Variants in KIF20B observed in about 807,000 individuals in gnomAD.
KIF20B encodes kinesin-like protein KIF20B.
Under a neutral mutation model 232.5 loss-of-function variants are expected in KIF20B, and 188 were observed. The observed-to-expected ratio is 0.81, with a 90% CI of 0.72 to 0.91. The LOEUF (loss-of-function observed/expected upper bound fraction) is 0.91. Among genes scored for constraint, KIF20B ranks in the 40% least tolerant of loss-of-function variants. The pLI is 0.00. For synonymous variants in KIF20B, 712 were observed against 683.0 expected (o/e 1.04, Z -0.66); for missense variants, 2,154 against 2,055.9 (o/e 1.05, Z -0.92).
intron 21 of KIF20B, among the ~76,000 whole-genome samples, chr10:89,740,494 C>A (rs183944773): frequency 1.3e-5 from 2 of 152,134 alleles, no homozygotes; most frequent in Admixed American, 1.3e-4. Context: ...CTCCAACCCT[C>A]CTCTCTTCCA....
At chr10:89,736,983 CTG>C (rs1841666846) in intron 19 of KIF20B, among the ~76,000 whole-genome samples, 1 of 152,066 alleles carries the variant, frequency 6.6e-6, no homozygotes, top group African/African-American at 2.4e-5. Flanking sequence ...TAGCTTAAAA[CTG>C]TTCGTTAGGA....
chr10:89,768,403 A>C lies in KIF20B; in HGVS notation c.5091+12A>C. The C allele has an allele frequency of 7.0e-7, 1 of 1,435,442 alleles. No homozygotes were observed. Among genetic ancestry groups the C allele is most frequent in the Non-Finnish European group, 9.6e-7 (1 of 1,038,560 alleles). The allele number at this position is 1,435,442 out of a possible 1,614,324, so 88.9% of individuals were successfully genotyped here. On this transcript the variant is annotated intron_variant, in intron 30 of 32. Coordinates refer to ENST00000371728, the MANE Select transcript of KIF20B (RefSeq NM_001284259.2). ...AAAAGGAACAAAAGGTGTGTCTTTTAATTTGTCCAAAATTGTAGCAATTAT... is the reference window on the plus strand; with the variant it reads ...AAAAGGAACAAAAGGTGTGTCTTTTCATTTGTCCAAAATTGTAGCAATTAT...
rs1283981491 is a variant in KIF20B at position 89,757,061 on chromosome 10, TATATATATAC to T, written c.4504-1643_4504-1634del. Among the ~76,000 whole-genome samples, 72 of 137,016 alleles carry T rather than the reference TATATATATAC, an allele frequency of 5.3e-4. 1 individual carries two copies. The highest frequency in any genetic ancestry group is 1.8e-3 in the African/African-American group (68 of 38,410). 89.9% of individuals were successfully genotyped at this position (137,016 alleles called of 152,430 possible). On this transcript the variant is annotated intron_variant, in intron 26 of 32. Coordinates refer to ENST00000371728, the MANE Select transcript of KIF20B (RefSeq NM_001284259.2). ...GTGTGTATATATATATATATATATA[TATATATATAC>T]ACACATGACAATTGCTAGATGATAG...
At position 89,737,402 on chromosome 10, in the gene KIF20B, GTTCAGCT is replaced by G. The variant is rs778921167; in HGVS notation, c.2562_2568del (p.Ser854ArgfsTer32). The G allele has an allele frequency of 6.3e-7, 1 of 1,576,168 alleles. No homozygotes were observed. The highest frequency in any genetic ancestry group is 8.6e-7 in the Non-Finnish European group (1 of 1,167,270). On this transcript the variant is annotated frameshift_variant, in exon 20 of 33. Coordinates refer to ENST00000371728, the MANE Select transcript of KIF20B (RefSeq NM_001284259.2). LOFTEE classifies it high-confidence loss of function. ...ATTTTTAAAGGGTCTATCCATGTTA[GTTCAGCT>G]ATCACTGAAGACCAAAAGAAAAGTG...
chr10:89,752,805 A>C, intron 25 of KIF20B, 114 bp downstream of exon 25: 1 of 667,838 alleles, frequency 1.5e-6, no homozygotes, highest in Non-Finnish European at 2.2e-6. Context: ...GGGTGAAATA[A>C]TACCTGGCAA....
At chr10:89,738,794 G>C (rs1841728747) in intron 20 of KIF20B, among the ~76,000 whole-genome samples, 164 bp from the exon 21 acceptor site, 1 of 152,128 alleles carries the variant, frequency 6.6e-6, no homozygotes, top group Non-Finnish European at 1.5e-5. Flanking sequence ...GAAAAGATCA[G>C]CTTATAAAAA....
intron 7 of KIF20B, among the ~76,000 whole-genome samples, chr10:89,714,472 C>G (rs1230844827): frequency 6.6e-6 from 1 of 151,236 alleles, no homozygotes. Flanking sequence ...GTGAAACTGT[C>G]TCAAAAAAAA....
chr10:89,737,485 G>A lies in KIF20B; in HGVS notation c.2644G>A (p.Glu882Lys). 1 of 1,609,126 alleles carries A rather than the reference G, an allele frequency of 6.2e-7. No individual in the cohort carries two copies. Among genetic ancestry groups the A allele is most frequent in the Non-Finnish European group, 8.5e-7 (1 of 1,178,528 alleles). The change falls in exon 20 of 33, where the codon GAA (glutamate) becomes AAA (lysine). Residue 882 changes from glutamate to lysine, a missense_variant. Transcript: ENST00000371728. ...AATTGAAGACATCAGAGTTTTACAA[G>A]AAAATAATGAAGGACTGAGAGCATT... is the stretch of plus-strand genomic sequence containing the variant. ...AEIEDIRVLQ[E>K]NNEGLRAFLL... is the part of the protein sequence containing the mutation.
rs1435326673 is a variant in KIF20B at position 89,743,828 on chromosome 10, G to A, written c.3936G>A (p.Glu1312=). The A allele has an allele frequency of 6.6e-7, 1 of 1,514,280 alleles. No individual in the cohort carries two copies. Among genetic ancestry groups the A allele is most frequent in the Non-Finnish European group, 9.0e-7 (1 of 1,110,032 alleles). The allele number at this position is 1,514,280 out of a possible 1,614,324, so 93.8% of individuals were successfully genotyped here. The change falls in exon 22 of 33, where the codon GAG becomes GAA. Residue 1312 remains glutamate, a synonymous_variant. Transcript: ENST00000371728. ...TGTAGGTATCTGTAATGCGTGATGA[G>A]GATAAATTACTGAGGATTAAAATTA... ...VQKEVSVMRD[E]DKLLRIKINE... is the part of the protein sequence containing the mutation.
intron 6 of KIF20B, among the ~76,000 whole-genome samples, chr10:89,713,775 G>A (rs186387558): frequency 4.1e-4 from 62 of 152,286 alleles, no homozygotes; most frequent in Non-Finnish European, 7.6e-4. Context: ...CAACATAAGT[G>A]TGGGGAAAAG....
chr10:89,747,909 A>G (rs1386569476), intron 23 of KIF20B, among the ~76,000 whole-genome samples: 1 of 152,296 alleles, frequency 6.6e-6, no homozygotes, highest in East Asian at 1.9e-4. Flanking sequence ...AAAATTTTTA[A>G]AAAGCTGCTT....
intron 24 of KIF20B, 118 bp from the exon 25 acceptor site, chr10:89,752,449 G>T (rs1842040153): frequency 3.1e-6 from 2 of 641,384 alleles, no homozygotes; most frequent in Non-Finnish European, 4.9e-6. Flanking sequence ...GTTCCATCTT[G>T]GTCTGTGTTC....
intron 9 of KIF20B, among the ~76,000 whole-genome samples, chr10:89,716,869 C>G (rs532309702): frequency 1.3e-5 from 2 of 152,138 alleles, no homozygotes; most frequent in East Asian, 1.9e-4. Context: ...CCCCTGAATA[C>G]TATATAAATA....
At position 89,720,868 on chromosome 10, in the gene KIF20B, G is replaced by A. The variant is rs531597455; in HGVS notation, c.1722+1162G>A. ...GTATAGGCATGCGTAACCATACCCA[G>A]TTAAGTTTTTTTTGTATCTTTAGTA... On this transcript the variant is annotated intron_variant, in intron 13 of 32. Coordinates refer to ENST00000371728, the MANE Select transcript of KIF20B (RefSeq NM_001284259.2). Among the ~76,000 whole-genome samples the A allele has an allele frequency of 2.0e-5, 3 of 152,238 alleles. No homozygotes were observed. The East Asian group carries it at 5.8e-4, about 29-fold the overall frequency.
At chr10:89,720,097 G>A (rs189809097) in intron 13 of KIF20B, among the ~76,000 whole-genome samples, 149 of 152,076 alleles carry the variant, frequency 9.8e-4, no homozygotes, top group South Asian at 1.0e-3. Context: ...ATATAACCTC[G>A]TATACTGTTT....
At chr10:89,715,699 A>G (rs1194818757) in intron 8 of KIF20B, among the ~76,000 whole-genome samples, 4 of 152,158 alleles carry the variant, frequency 2.6e-5, no homozygotes, top group African/African-American at 7.2e-5. Context: ...TGTCATTTCT[A>G]CAAAATGCTG....
At chr10:89,730,532 G>A (rs1385259995) in intron 18 of KIF20B, among the ~76,000 whole-genome samples, 1 of 152,120 alleles carries the variant, frequency 6.6e-6, no homozygotes, top group Non-Finnish European at 1.5e-5. Context: ...AGCCTTAAAG[G>A]GTGAGTAAAA....
At position 89,762,743 on chromosome 10, in the gene KIF20B, A is replaced by G. The variant is rs757801434; in HGVS notation, c.4897A>G (p.Asn1633Asp). ...GATTCAATTTACACCTTTACAGCCAAACAAAATGGCAGTGAAACACCCTGG... is the reference window on the plus strand; with the variant it reads ...GATTCAATTTACACCTTTACAGCCAGACAAAATGGCAGTGAAACACCCTGG... ...LEIQFTPLQPNKMAVKHPGCT... is the reference protein window; with the variant it reads ...LEIQFTPLQPDKMAVKHPGCT... Residue 1633 changes from asparagine (N) to aspartate (D), a missense_variant, in exon 29 of 33, where the codon AAC becomes GAC. Transcript: ENST00000371728. 3 of 1,613,556 alleles carry G rather than the reference A, an allele frequency of 1.9e-6. No individual in the cohort carries two copies. The highest frequency in any genetic ancestry group is 2.2e-5 in the South Asian group (2 of 91,076).
chr10:89,730,611 C>CCA (rs1205447317), intron 18 of KIF20B, among the ~76,000 whole-genome samples: 4 of 151,990 alleles, frequency 2.6e-5, no homozygotes, highest in African/African-American at 9.7e-5. Flanking sequence ...CATTGGCCTT[C>CCA]CATGTACCAG....
Sources: gnomAD v4.1 joint callset for allele counts (sites outside exome capture counted in the v4.1 genomes callset) on GRCh38, gnomAD v4.1.1 for gene constraint, MANE v1.5 for transcripts, NCBI Gene and HGNC (gene_info 2026-07-23, HGNC 2026-07-21) for gene names.